Variants in TBPL1 observed in about 807,000 individuals in gnomAD.
TBPL1 encodes TATA-box binding protein like 1.
A neutral mutation model predicts 22.1 loss-of-function variants in TBPL1; 4 were observed. The observed-to-expected ratio is 0.18, with a 90% CI of 0.09 to 0.41. The LOEUF (loss-of-function observed/expected upper bound fraction) is 0.41. Ranked by LOEUF, TBPL1 falls within the 10% of genes least tolerant of loss-of-function variation. The pLI is 1.00. For missense variants in TBPL1, 115 were observed against 222.3 expected (o/e 0.52, Z 3.07); for synonymous variants, 64 against 71.0 (o/e 0.90, Z 0.50).
At chr6:133,979,371 G>A (rs1776369225) in intron 1 of TBPL1, among the ~76,000 whole-genome samples, 5 of 152,122 alleles carry the variant, frequency 3.3e-5, no homozygotes. Flanking sequence ...GTACCAGCAA[G>A]TTGCATGAGA....
In TBPL1 at chr6:133,965,513, C is replaced by A. The variant is rs190941309; in HGVS notation, c.-45+12088C>A. ...CTTTTCCTGTTTCATTTGCCACCTT[C>A]CCTGTCCCCACTCCCCTCAGCACCA... On this transcript the variant is annotated intron_variant, in intron 1 of 6. Transcript: ENST00000237264. Among the ~76,000 whole-genome samples the A allele has an allele frequency of 5.6e-3, 847 of 152,130 alleles. 12 individuals carry two copies. Among genetic ancestry groups the A allele is most frequent in the African/African-American group, 0.019 (803 of 41,504 alleles).
chr6:133,985,777 G>A (rs1345318107), intron 6 of TBPL1: 1 of 151,966 alleles, frequency 6.6e-6, no homozygotes, highest in East Asian at 1.9e-4. Flanking sequence ...CTCATCCCAT[G>A]GGTTTTTCCA....
At chr6:133,960,662 A>G (rs1190965156) in intron 1 of TBPL1, among the ~76,000 whole-genome samples, 1 of 152,066 alleles carries the variant, frequency 6.6e-6, no homozygotes, top group African/African-American at 2.4e-5. Flanking sequence ...TTGGTTATAT[A>G]TTTTTGCTGT....
chr6:133,976,629 A>AT (rs1350394026), intron 1 of TBPL1, among the ~76,000 whole-genome samples: 1 of 152,290 alleles, frequency 6.6e-6, no homozygotes, highest in Non-Finnish European at 1.5e-5. Context: ...TAACCCATCG[A>AT]TAAATTATGT....
intron 1 of TBPL1, among the ~76,000 whole-genome samples, chr6:133,967,622 A>T (rs1007943951): frequency 7.2e-5 from 11 of 152,180 alleles, no homozygotes; most frequent in African/African-American, 2.4e-4. Flanking sequence ...CCTATACAGC[A>T]TGTTTCTTTA....
At chr6:133,971,879 T>C (rs1776228668) in intron 1 of TBPL1, among the ~76,000 whole-genome samples, 1 of 152,200 alleles carries the variant, frequency 6.6e-6, no homozygotes, top group African/African-American at 2.4e-5. Flanking sequence ...GTTCTGTGGG[T>C]TGGCTTTTCA....
At chr6:133,968,125 A>T (rs1039880979) in intron 1 of TBPL1, among the ~76,000 whole-genome samples, 3 of 151,384 alleles carry the variant, frequency 2.0e-5, no homozygotes, top group Admixed American at 2.0e-4. Flanking sequence ...AGTAGCTGGG[A>T]CTACAGGCGC....
intron 6 of TBPL1, 107 bp from the exon 7 acceptor site, chr6:133,986,854 C>T (rs1453335500): frequency 9.3e-6 from 6 of 643,220 alleles, no homozygotes; most frequent in Non-Finnish European, 1.5e-5. Flanking sequence ...TAACAGTTAA[C>T]TTGATATTCT....
intron 1 of TBPL1, among the ~76,000 whole-genome samples, chr6:133,973,428 C>CT (rs1173044775): frequency 1.3e-5 from 2 of 152,126 alleles, no homozygotes; most frequent in African/African-American, 4.8e-5. Flanking sequence ...TATTTATTCT[C>CT]TTGGCTTTCA....
At chr6:133,966,807 T>A (rs1776127410) in intron 1 of TBPL1, among the ~76,000 whole-genome samples, 1 of 99,734 alleles carries the variant, frequency 1.0e-5, no homozygotes, top group Non-Finnish European at 2.2e-5. Flanking sequence ...TCTACTACTT[T>A]GCATTTTCAA....
chr6:133,963,013 A>AT (rs1776051111), intron 1 of TBPL1, among the ~76,000 whole-genome samples: 1 of 152,230 alleles, frequency 6.6e-6, no homozygotes, highest in Non-Finnish European at 1.5e-5. Flanking sequence ...CCAGTGCTTT[A>AT]TGCTCTAGAG....
chr6:133,987,648 G>GTGTGTGTGTATATATATATA lies in TBPL1; in HGVS notation c.*609_*610insGTGTGTGTATATATATATAT. ...TTTGTGTGTGTGTGTGTGTGTGTGTGTATATATATATATATATATGCACCA... is the reference window on the plus strand; with the variant it reads ...TTTGTGTGTGTGTGTGTGTGTGTGTGTGTGTGTGTATATATATATATATATATATATATATATATGCACCA... On this transcript the variant is annotated 3_prime_UTR_variant, in exon 7 of 7. Transcript: ENST00000237264. The GTGTGTGTGTATATATATATA allele has an allele frequency of 1.1e-5, 1 of 88,396 alleles. No homozygotes were observed. Among genetic ancestry groups the GTGTGTGTGTATATATATATA allele is most frequent in the African/African-American group, 3.6e-5 (1 of 27,578 alleles). The allele number at this position is 88,396 out of a possible 1,614,324, so 5.5% of individuals were successfully genotyped here. A position where few individuals can be genotyped will look rare whatever the true frequency, so the allele number is the denominator to read the frequency against.
intron 1 of TBPL1, among the ~76,000 whole-genome samples, chr6:133,957,208 G>A (rs2114318230): frequency 6.6e-6 from 1 of 152,324 alleles, no homozygotes; most frequent in South Asian, 2.1e-4. Flanking sequence ...GGGTAGTGGA[G>A]ATGTGCCTTT....
intron 1 of TBPL1, among the ~76,000 whole-genome samples, chr6:133,956,927 C>T (rs904066532): frequency 1.3e-5 from 2 of 152,120 alleles, no homozygotes; most frequent in Non-Finnish European, 2.9e-5. Flanking sequence ...TTCCAGGCTA[C>T]ATAGACAAAT....
chr6:133,988,046 T>C lies in TBPL1; in HGVS notation c.*1006T>C, dbSNP rs1447696526. 6.6e-6 allele frequency: 1 copy of C among 152,166 alleles called. No individual in the cohort carries two copies. The highest frequency in any genetic ancestry group is 1.5e-5 in the Non-Finnish European group (1 of 68,020). 9.4% of individuals were successfully genotyped at this position (152,166 alleles called of 1,614,324 possible). A position where few individuals can be genotyped will look rare whatever the true frequency, so the allele number is the denominator to read the frequency against. ...GATGCCCAAGCCTATACTAAGAGTC[T>C]TGTCAGAAGTTGGTAACATGGAGAT... On this transcript the variant is annotated 3_prime_UTR_variant, in exon 7 of 7. Coordinates refer to ENST00000237264, the MANE Select transcript of TBPL1 (RefSeq NM_004865.4).
intron 1 of TBPL1, among the ~76,000 whole-genome samples, chr6:133,972,525 G>A (rs1776241258): frequency 6.6e-6 from 1 of 152,164 alleles, no homozygotes; most frequent in South Asian, 2.1e-4. Flanking sequence ...TAGGCTTGTG[G>A]TTCATTTGGT....
At chr6:133,966,051 CTCT>C (rs1297552643) in intron 1 of TBPL1, among the ~76,000 whole-genome samples, 1 of 152,136 alleles carries the variant, frequency 6.6e-6, no homozygotes, top group Non-Finnish European at 1.5e-5. Flanking sequence ...TTCTGCTGAG[CTCT>C]TCAACTTCAG....
At chr6:133,966,225 A>G (rs1017111214) in intron 1 of TBPL1, among the ~76,000 whole-genome samples, 3 of 152,194 alleles carry the variant, frequency 2.0e-5, no homozygotes, top group Non-Finnish European at 4.4e-5. Flanking sequence ...GAACTACGCC[A>G]AGGCTGGGGT....
chr6:133,983,068 A>G (rs1582584505), intron 4 of TBPL1, among the ~76,000 whole-genome samples, 188 bp downstream of exon 4: 1 of 152,216 alleles, frequency 6.6e-6, no homozygotes, highest in East Asian at 1.9e-4. Context: ...GTATTTGTAA[A>G]GGATCCTAGC....
Sources: allele counts gnomAD v4.1 joint callset (sites outside exome capture counted in the v4.1 genomes callset), GRCh38; gene constraint gnomAD v4.1.1; transcripts MANE v1.5; gene names NCBI Gene and HGNC (gene_info 2026-07-23, HGNC 2026-07-21).